The following TOM1L2 variants were observed in gnomAD, a reference collection of about 807,000 sequenced individuals.
TOM1L2 encodes target of myb1 like 2 membrane trafficking protein.
Under a neutral mutation model 67.9 loss-of-function variants are expected in TOM1L2, and 31 were observed. The observed-to-expected ratio is 0.46, with a 90% CI of 0.34 to 0.62. The LOEUF is 0.62. Among genes scored for constraint, TOM1L2 ranks in the 20% least tolerant of loss-of-function variants. TOM1L2 has a pLI of 0.01. For synonymous variants in TOM1L2, 256 were observed against 254.0 expected (o/e 1.01, Z -0.07); for missense variants, 606 against 663.5 (o/e 0.91, Z 0.95).
intron 1 of TOM1L2, among the ~76,000 whole-genome samples, chr17:17,931,861 A>G (rs1315686227): frequency 6.6e-6 from 1 of 152,202 alleles, no homozygotes; most frequent in East Asian, 1.9e-4. Flanking sequence ...TTGTCAGAAA[A>G]TAATTCTTAT....
intron 1 of TOM1L2, among the ~76,000 whole-genome samples, chr17:17,947,844 A>G (rs2041018982): frequency 6.6e-6 from 1 of 152,038 alleles, no homozygotes; most frequent in African/African-American, 2.4e-5. Flanking sequence ...TTCATTTTTA[A>G]TTTCTTTTGG....
chr17:17,912,257 G>A (rs1268107995), intron 1 of TOM1L2, among the ~76,000 whole-genome samples: 581 of 97,912 alleles, frequency 5.9e-3, no homozygotes, highest in Middle Eastern at 0.048. Context: ...CTCACCTCCC[G>A]GACGGGGCGG....
At chr17:17,854,831 G>C (rs181129601) in intron 12 of TOM1L2, among the ~76,000 whole-genome samples, 10 of 152,242 alleles carry the variant, frequency 6.6e-5, no homozygotes, top group Admixed American at 6.5e-4. Context: ...ACTGCACCCA[G>C]CCTGACATGC....
intron 12 of TOM1L2, chr17:17,858,226 A>ATTTTTTCTTTT (rs1555581608): frequency 3.8e-5 from 6 of 157,374 alleles, no homozygotes; most frequent in African/African-American, 1.5e-4. Flanking sequence ...TTTTTCCTAC[A>ATTTTTTCTTTT]TTTTTTTTTT....
intron 4 of TOM1L2, among the ~76,000 whole-genome samples, chr17:17,889,038 C>A (rs1197341987): frequency 6.6e-6 from 1 of 152,198 alleles, no homozygotes; most frequent in African/African-American, 2.4e-5. Context: ...TCCTCCCATC[C>A]TCCCAGGGAG....
At chr17:17,855,409 C>A (rs2036204454) in intron 12 of TOM1L2, among the ~76,000 whole-genome samples, 2 of 152,304 alleles carry the variant, frequency 1.3e-5, no homozygotes, top group South Asian at 4.1e-4. Flanking sequence ...GATTCTCTCA[C>A]ATGAGGATAT....
At chr17:17,906,755 C>T (rs985097493) in intron 2 of TOM1L2, among the ~76,000 whole-genome samples, 3 of 152,172 alleles carry the variant, frequency 2.0e-5, no homozygotes, top group African/African-American at 7.2e-5. Flanking sequence ...AGATGCCAGC[C>T]CAGGGATGCC....
chr17:17,855,974 AAC>A (rs1049520735), intron 12 of TOM1L2, among the ~76,000 whole-genome samples: 3 of 152,074 alleles, frequency 2.0e-5, no homozygotes, highest in Non-Finnish European at 4.4e-5. Context: ...AAAAAAAAAA[AAC>A]AAACTGCAGT....
intron 1 of TOM1L2, among the ~76,000 whole-genome samples, chr17:17,939,419 C>T (rs1444475258): frequency 6.6e-6 from 1 of 152,156 alleles, no homozygotes; most frequent in Non-Finnish European, 1.5e-5. Flanking sequence ...ATTTTGAACA[C>T]TAGTTGGATA....
rs765656492 is a variant in TOM1L2 at position 17,893,510 on chromosome 17, G to A, written c.366+151C>T. 6.4e-6 allele frequency: 5 copies of A among 782,184 alleles called. No homozygotes were observed. In the South Asian group the frequency reaches 8.9e-5, roughly 14 times the overall value. The allele number at this position is 782,184 out of a possible 1,614,324, so 48.5% of individuals were successfully genotyped here. A position where few individuals can be genotyped will look rare whatever the true frequency, so the allele number is the denominator to read the frequency against. On this transcript the variant is annotated intron_variant, in intron 4 of 14. Coordinates refer to ENST00000379504, the MANE Select transcript of TOM1L2 (RefSeq NM_001082968.2). ...TTAGAATTTCATTCCAGTGGGATGA[G>A]AATTTTTTTTGAAGTATTTTGCACC...
In TOM1L2 at chr17:17,847,647, G is replaced by C; in HGVS notation, c.1512C>G (p.Leu504=). The C allele has an allele frequency of 6.2e-7, 1 of 1,612,028 alleles. No homozygotes were observed. Among genetic ancestry groups the C allele is most frequent in the Non-Finnish European group, 8.5e-7 (1 of 1,178,888 alleles). Residue 504 remains leucine, a synonymous_variant, in exon 15 of 15, where the codon CTC becomes CTG. Transcript: ENST00000379504. The part of the protein sequence containing the change: ...RKKPERSEDA[L]FAL ...ACCACAGAGCTGCTCACAGGGCGAA[G>C]AGGGCATCCTCTGACCGCTCTGGCT... is the stretch of plus-strand genomic sequence containing the variant.
At chr17:17,914,086 AT>A (rs2039523801) in intron 1 of TOM1L2, among the ~76,000 whole-genome samples, 1 of 152,176 alleles carries the variant, frequency 6.6e-6, no homozygotes, top group African/African-American at 2.4e-5. Flanking sequence ...AGGCTGCTGG[AT>A]TTATGGCTGC....
At chr17:17,907,915 C>T (rs2039169778) in intron 1 of TOM1L2, among the ~76,000 whole-genome samples, 1 of 152,094 alleles carries the variant, frequency 6.6e-6, no homozygotes, top group Non-Finnish European at 1.5e-5. Flanking sequence ...CTTCTAGGTG[C>T]CAAAGCTAGT....
chr17:17,851,375 G>A, intron 12 of TOM1L2: 1 of 278,026 alleles, frequency 3.6e-6, no homozygotes, highest in South Asian at 3.4e-5. Flanking sequence ...CCCAACCCAG[G>A]GAAGGCCAAG....
chr17:17,854,597 T>A (rs2143580377), intron 12 of TOM1L2, among the ~76,000 whole-genome samples: 1 of 152,264 alleles, frequency 6.6e-6, no homozygotes, highest in African/African-American at 2.4e-5. Context: ...CGATCTCAGC[T>A]CACTGCGACC....
At chr17:17,902,843 T>C (rs559119828) in intron 2 of TOM1L2, among the ~76,000 whole-genome samples, 65 of 152,362 alleles carry the variant, frequency 4.3e-4, no homozygotes, top group African/African-American at 1.4e-3. Flanking sequence ...ATCATATATA[T>C]TTACTCCTTT....
chr17:17,917,194 T>A (rs757696971), intron 1 of TOM1L2, among the ~76,000 whole-genome samples: 43 of 151,472 alleles, frequency 2.8e-4, no homozygotes, highest in Non-Finnish European at 5.5e-4. Context: ...TAGCTGGGCG[T>A]GGTGGCGCAC....
chr17:17,851,110 C>T, intron 12 of TOM1L2, 158 bp from the exon 13 acceptor site: 1 of 705,774 alleles, frequency 1.4e-6, no homozygotes, highest in Non-Finnish European at 2.4e-6. Context: ...AGGGGCAACA[C>T]AGGGCAGCCA....
At position 17,871,087 on chromosome 17, in the gene TOM1L2, G is replaced by A. The variant is rs1432575657; in HGVS notation, c.778-1614C>T. ...AATGACTCTAAAGTATTCAGAGGCC[G>A]GGGCCAGGTGTGGTGGCTCACGCCT... On this transcript the variant is annotated intron_variant, in intron 7 of 14. Coordinates refer to ENST00000379504, the MANE Select transcript of TOM1L2 (RefSeq NM_001082968.2). 3.3e-5 allele frequency among the ~76,000 whole-genome samples: 5 copies of A among 152,298 alleles called. No individual in the cohort carries two copies. In the East Asian group the frequency reaches 7.7e-4, roughly 24 times the overall value.
Sources: gnomAD v4.1 joint callset for allele counts (sites outside exome capture counted in the v4.1 genomes callset) on GRCh38, gnomAD v4.1.1 for gene constraint, MANE v1.5 for transcripts, NCBI Gene and HGNC (gene_info 2026-07-23, HGNC 2026-07-21) for gene names.